RELN: variants seen among roughly 807,000 people sequenced by gnomAD.
The protein encoded by RELN is reelin.
Under a neutral mutation model 427.6 loss-of-function variants are expected in RELN, and 108 were observed. That is an observed-to-expected ratio of 0.25 (90% confidence interval 0.22 to 0.30). The LOEUF (loss-of-function observed/expected upper bound fraction) is 0.30, where lower values mean the gene tolerates loss of function less well. Ranked by LOEUF, RELN falls within the 10% of genes least tolerant of loss-of-function variation. The pLI is 1.00. For synonymous variants in RELN, 1,524 were observed against 1,513.4 expected, an observed-to-expected ratio of 1.01 and a Z score of -0.16; for missense variants, 3,715 against 4,302.8, an observed-to-expected ratio of 0.86 and a Z score of 3.82.
intron 49 of RELN, among the ~76,000 whole-genome samples, chr7:103,517,525 G>A (rs1262433703): frequency 1.3e-5 from 2 of 152,146 alleles, no homozygotes; most frequent in African/African-American, 4.8e-5. Context: ...TTACCCTACA[G>A]AAACATAACT....
intron 2 of RELN, among the ~76,000 whole-genome samples, chr7:103,895,869 C>T (rs995396093): frequency 2.0e-5 from 3 of 151,852 alleles, no homozygotes; most frequent in African/African-American, 7.3e-5. Context: ...AAATAAACTA[C>T]TCAACTTAAG....
rs146409552 is a variant in RELN, at chr7:103,845,876, C to A, written c.338-12204G>T. ...CTGCTCAAGAAAATAAGAGAGGACA[C>A]AAACAAATGGAAAAACATTCCACGC... On this transcript the variant is annotated intron_variant, in intron 2 of 64. Coordinates refer to ENST00000428762, the MANE Select transcript of RELN (RefSeq NM_005045.4). Among the ~76,000 whole-genome samples the A allele has an allele frequency of 8.6e-5, 13 of 151,684 alleles. 1 individual carries two copies. In the East Asian group the frequency reaches 2.5e-3, roughly 30 times the overall value.
intron 8 of RELN, among the ~76,000 whole-genome samples, chr7:103,721,727 A>G (rs947935604): frequency 1.3e-5 from 2 of 152,190 alleles, no homozygotes; most frequent in Non-Finnish European, 1.5e-5. Flanking sequence ...TTGCTTAAAG[A>G]CAATATCTGA....
intron 2 of RELN, among the ~76,000 whole-genome samples, chr7:103,853,793 C>T (rs180722907): frequency 2.6e-5 from 4 of 151,682 alleles, no homozygotes; most frequent in Admixed American, 2.6e-4. Context: ...AGTTAATAGA[C>T]AAATATGTAA....
chr7:103,616,504 T>G (rs1044658525), intron 20 of RELN, among the ~76,000 whole-genome samples: 2 of 152,140 alleles, frequency 1.3e-5, no homozygotes, highest in Non-Finnish European at 2.9e-5. Flanking sequence ...TAGTGGATTA[T>G]AGAAATTGTA....
chr7:103,588,014 G>A (rs926992929), intron 28 of RELN, among the ~76,000 whole-genome samples: 1 of 152,160 alleles, frequency 6.6e-6, no homozygotes, highest in Non-Finnish European at 1.5e-5. Context: ...ATTACCATAT[G>A]ATCCAGTAAT....
rs362724 is a variant in RELN at position 103,564,967 on chromosome 7, T to C, written c.5210+311A>G. On this transcript the variant is annotated intron_variant, in intron 34 of 64. Transcript: ENST00000428762. ...CAATATGTGGTAATTTCACATACTG[T>C]TTTGTGTGAATAAGTATCAGTCTGG... is the stretch of plus-strand genomic sequence containing the variant. Among the ~76,000 whole-genome samples, 49,964 of 152,068 alleles carry C rather than the reference T, an allele frequency of 0.33. 8,872 individuals carry two copies. Among genetic ancestry groups the C allele is most frequent in the African/African-American group, 0.46 (19,016 of 41,466 alleles).
chr7:103,530,531 G>A (rs1368008504), intron 46 of RELN, among the ~76,000 whole-genome samples: 2 of 152,182 alleles, frequency 1.3e-5, no homozygotes, highest in African/African-American at 2.4e-5. Context: ...ACCCACCACA[G>A]TTCATTTTGC....
At chr7:103,798,352 T>C (rs1444902369) in intron 3 of RELN, among the ~76,000 whole-genome samples, 2 of 152,194 alleles carry the variant, frequency 1.3e-5, no homozygotes, top group Non-Finnish European at 2.9e-5. Flanking sequence ...TTAAGTAATG[T>C]CTCTAAGCCT....
intron 12 of RELN, among the ~76,000 whole-genome samples, chr7:103,658,160 A>G (rs979089458): frequency 1.3e-5 from 2 of 152,126 alleles, no homozygotes; most frequent in African/African-American, 4.8e-5. Context: ...CTGGTCCTCA[A>G]TGAATGTGTT....
At chr7:103,546,812 T>C (rs966997461) in intron 41 of RELN, among the ~76,000 whole-genome samples, 1 of 152,242 alleles carries the variant, frequency 6.6e-6, no homozygotes, top group African/African-American at 2.4e-5. Context: ...TAAGGTTTTT[T>C]GGATTTTATC....
chr7:103,799,202 T>A (rs565732699), intron 3 of RELN, among the ~76,000 whole-genome samples: 1 of 152,178 alleles, frequency 6.6e-6, no homozygotes, highest in African/African-American at 2.4e-5. Context: ...TCCAATACTT[T>A]GTACTTCCAG....
intron 10 of RELN, among the ~76,000 whole-genome samples, chr7:103,685,202 T>A (rs550288286): frequency 6.6e-6 from 1 of 152,278 alleles, no homozygotes; most frequent in South Asian, 2.1e-4. Flanking sequence ...AAACATTCAT[T>A]GAAAGTATGA....
At chr7:103,847,843 G>T (rs1409406164) in intron 2 of RELN, among the ~76,000 whole-genome samples, 1 of 152,208 alleles carries the variant, frequency 6.6e-6, no homozygotes, top group Non-Finnish European at 1.5e-5. Context: ...AAGTTGGGTT[G>T]TGAATTAAAC....
intron 1 of RELN, among the ~76,000 whole-genome samples, chr7:103,970,363 C>T (rs939353474): frequency 6.6e-6 from 1 of 152,064 alleles, no homozygotes; most frequent in Non-Finnish European, 1.5e-5. Context: ...AGGCTGGTCT[C>T]GAACTCCTGA....
At position 103,565,418 on chromosome 7, in the gene RELN, A is replaced by G. The variant is rs781123359; in HGVS notation, c.5070T>C (p.Asn1690=). 4.7e-5 allele frequency: 76 copies of G among 1,613,962 alleles called. No individual in the cohort carries two copies. The highest frequency in any genetic ancestry group is 6.3e-5 in the Non-Finnish European group (74 of 1,180,004). ...HSVQLQYSLN[N]GKDWHLVTEE... ...CGGTGACAAGATGCCAGTCCTTGCC[A>G]TTGTTCAGAGAATACTGGAGCTGTA... Residue 1690 remains asparagine (N), a synonymous_variant, in exon 34 of 65, where the codon AAT becomes AAC. Coordinates refer to ENST00000428762, the MANE Select transcript of RELN (RefSeq NM_005045.4).
chr7:103,975,570 C>T (rs1216058366), intron 1 of RELN, among the ~76,000 whole-genome samples: 2 of 105,606 alleles, frequency 1.9e-5, no homozygotes, highest in African/African-American at 7.1e-5. Context: ...TATTTTGAGA[C>T]GGAGTCTCGC....
intron 8 of RELN, among the ~76,000 whole-genome samples, chr7:103,717,159 T>A (rs1187612114): frequency 6.6e-6 from 1 of 152,012 alleles, no homozygotes; most frequent in African/African-American, 2.4e-5. Context: ...AAAACACTTA[T>A]AATCAATCTC....
At chr7:103,857,681 G>T (rs957116770) in intron 2 of RELN, among the ~76,000 whole-genome samples, 7 of 152,140 alleles carry the variant, frequency 4.6e-5, no homozygotes, top group South Asian at 2.1e-4. Flanking sequence ...CACAGTCAGG[G>T]AGGCTGAGCA....
Sources: allele counts gnomAD v4.1 joint callset (sites outside exome capture counted in the v4.1 genomes callset), GRCh38; gene constraint gnomAD v4.1.1; transcripts MANE v1.5; gene names NCBI Gene and HGNC (gene_info 2026-07-23, HGNC 2026-07-21).